Variants in SLC9A3 observed in about 807,000 individuals in gnomAD.
The protein encoded by SLC9A3 is sodium/hydrogen exchanger 3.
SLC9A3 carries 37 observed loss-of-function variants against 86.8 expected under a neutral mutation model. The ratio of observed to expected loss-of-function variants is 0.43; its 90% CI spans 0.33 to 0.56. The LOEUF (loss-of-function observed/expected upper bound fraction) is 0.56. Among genes scored for constraint, SLC9A3 ranks in the 20% least tolerant of loss-of-function variants. SLC9A3 has a pLI of 0.06. For synonymous variants in SLC9A3, 581 were observed against 528.3 expected (o/e 1.10, Z -1.37); for missense variants, 1,011 against 1,171.9 (o/e 0.86, Z 2.00).
rs755205726 is a variant in SLC9A3 at position 472,824 on chromosome 5, C to A, written c.*555G>T. On this transcript the variant is annotated 3_prime_UTR_variant, in exon 17 of 17. Transcript: ENST00000264938. ...GTCGGTCCCCGAGTCAGTCCCCGGG[C>A]GCGGGGCTCGGTTGGGGGGGCCCGG... 1.1e-5 allele frequency: 6 copies of A among 554,298 alleles called. No individual in the cohort carries two copies. Among genetic ancestry groups the A allele is most frequent in the South Asian group, 9.3e-5 (6 of 64,382 alleles). 34.3% of individuals were successfully genotyped at this position (554,298 alleles called of 1,614,324 possible).
At chr5:495,391 C>T (rs1354157601) in intron 1 of SLC9A3, among the ~76,000 whole-genome samples, 1 of 147,810 alleles carries the variant, frequency 6.8e-6, no homozygotes, top group African/African-American at 2.5e-5. Flanking sequence ...CCCGCGCCAT[C>T]GCCGACCCTC....
rs1411506395 is a variant in SLC9A3, at chr5:471,830, C to T, written c.*1549G>A. Reference sequence around the variant, plus strand: ...TTGTGTGGCTGACGCTTCCCTTTTTCACAACAGTAAAAAGCTATCAATGGG... The same window carrying T: ...TTGTGTGGCTGACGCTTCCCTTTTTTACAACAGTAAAAAGCTATCAATGGG... On this transcript the variant is annotated 3_prime_UTR_variant, in exon 17 of 17. Transcript: ENST00000264938. 1.1e-5 allele frequency: 5 copies of T among 456,520 alleles called. No individual in the cohort carries two copies. Among genetic ancestry groups the T allele is most frequent in the Admixed American group, 7.0e-5 (3 of 42,574 alleles). 28.3% of individuals were successfully genotyped at this position (456,520 alleles called of 1,614,324 possible).
At chr5:475,184 G>C in intron 15 of SLC9A3, 52 bp from the exon 16 acceptor site, 1 of 1,517,688 alleles carries the variant, frequency 6.6e-7, no homozygotes, top group Non-Finnish European at 8.8e-7. Context: ...CACGGCGGCA[G>C]GGGAGACCTC....
chr5:492,629 G>C (rs1470117646), intron 1 of SLC9A3, among the ~76,000 whole-genome samples: 1 of 152,012 alleles, frequency 6.6e-6, no homozygotes, highest in Non-Finnish European at 1.5e-5. Context: ...GGTGCTATGG[G>C]GTGGAGGCCC....
rs573706947 is a variant in SLC9A3 at position 519,915 on chromosome 5, G to A, written c.211+4197C>T. On this transcript the variant is annotated intron_variant, in intron 1 of 16. Coordinates refer to ENST00000264938, the MANE Select transcript of SLC9A3 (RefSeq NM_004174.4). ...GTCCTCCTGACCCTCCTACGGCTGC[G>A]CGAGGCACTGCAGACTCCAGATACC... 6.6e-5 allele frequency among the ~76,000 whole-genome samples: 10 copies of A among 152,298 alleles called. No homozygotes were observed. In the East Asian group the frequency reaches 7.7e-4, roughly 12 times the overall value.
At chr5:481,882 GC>G (rs11385632) in intron 8 of SLC9A3, among the ~76,000 whole-genome samples, 185 bp downstream of exon 8, 3 of 6,644 alleles carry the variant, frequency 4.5e-4, no homozygotes, top group African/African-American at 7.8e-4. Context: ...AACACGCAGT[GC>G]CCCCCCCCGC....
At chr5:479,713 T>G in intron 10 of SLC9A3, 123 bp downstream of exon 10, 1 of 977,722 alleles carries the variant, frequency 1.0e-6, no homozygotes, top group Non-Finnish European at 1.6e-6. Flanking sequence ...TCCCGTGAAC[T>G]GCTGGGGTGG....
At chr5:477,288 G>T (rs1738809494) in intron 11 of SLC9A3, 44 bp downstream of exon 11, 2 of 1,392,692 alleles carry the variant, frequency 1.4e-6, no homozygotes, top group Non-Finnish European at 2.0e-6. Context: ...AGCTCCCGAG[G>T]CTGGGCTCTT....
chr5:475,139 G>A lies in SLC9A3; in HGVS notation c.2252-7C>T. ...AACACAGGGTTGTCAATTCCTAGGAGAGAGGGCAGCGGCTAGTCAGCCTTC... is the reference window on the plus strand; with the variant it reads ...AACACAGGGTTGTCAATTCCTAGGAAAGAGGGCAGCGGCTAGTCAGCCTTC... On this transcript the variant is annotated splice_region_variant and splice_polypyrimidine_tract_variant and intron_variant, in intron 15 of 16. Transcript: ENST00000264938. 1 of 1,571,592 alleles carries A rather than the reference G, an allele frequency of 6.4e-7. No homozygotes were observed. Among genetic ancestry groups the A allele is most frequent in the East Asian group, 2.3e-5 (1 of 44,328 alleles).
In SLC9A3 at chr5:496,867, A is replaced by G. The variant is rs1274311416; in HGVS notation, c.212-4796T>C. Among the ~76,000 whole-genome samples the G allele has an allele frequency of 1.3e-5, 2 of 152,036 alleles. No individual in the cohort carries two copies. The highest frequency in any genetic ancestry group is 2.4e-5 in the African/African-American group (1 of 41,390). ...GGAGTTCGAGACCAGCCTGGGCAACATGGCGAAACCCCATCTTTACAAAAA... is the reference window on the plus strand; with the variant it reads ...GGAGTTCGAGACCAGCCTGGGCAACGTGGCGAAACCCCATCTTTACAAAAA... On this transcript the variant is annotated intron_variant, in intron 1 of 16. Coordinates refer to ENST00000264938, the MANE Select transcript of SLC9A3 (RefSeq NM_004174.4). This position sits in a 1 kb window ranked among gnomAD's most constrained non-coding sequence, Gnocchi z 4.7.
chr5:514,935 T>C (rs949280491), intron 1 of SLC9A3, among the ~76,000 whole-genome samples: 1 of 152,100 alleles, frequency 6.6e-6, no homozygotes, highest in African/African-American at 2.4e-5. Context: ...GGACCCTGGC[T>C]CTGTCCCTCC....
At chr5:475,256 C>G in intron 15 of SLC9A3, 124 bp from the exon 16 acceptor site, 2 of 1,026,664 alleles carry the variant, frequency 1.9e-6, no homozygotes, top group Non-Finnish European at 2.8e-6. Context: ...GTTAGGGTCA[C>G]GTGCCTTTCA....
In SLC9A3 at chr5:473,262, G is replaced by C. The variant is rs541825112; in HGVS notation, c.*117C>G. ...TGGCGTGGGCGAGGCGGGGCTCGGG[G>C]CTCGCGGTCGCTGTAGCCGCGCGGG... On this transcript the variant is annotated 3_prime_UTR_variant, in exon 17 of 17. Transcript: ENST00000264938. 2 of 1,125,832 alleles carry C rather than the reference G, an allele frequency of 1.8e-6. No homozygotes were observed. The highest frequency in any genetic ancestry group is 3.3e-4 in the Middle Eastern group (1 of 3,052). 69.7% of individuals were successfully genotyped at this position (1,125,832 alleles called of 1,614,324 possible). A position where few individuals can be genotyped will look rare whatever the true frequency, so the allele number is the denominator to read the frequency against.
At position 524,297 on chromosome 5, in the gene SLC9A3, G is replaced by C; in HGVS notation, c.26C>G (p.Pro9Arg). The change falls in exon 1 of 17, where the codon CCC (proline) becomes CGC (arginine). Residue 9 changes from proline (P) to arginine (R), a missense_variant. Physicochemically the swap from Pro to Arg is moderately radical, Grantham distance 103 (BLOSUM62 -2). Coordinates refer to ENST00000264938, the MANE Select transcript of SLC9A3 (RefSeq NM_004174.4). ...CAGCGCCAGCAGCAGCCCCCGGTCG[G>C]GGCCCCGGGCCCCGAGTCCCCACAT... MWGLGARG[P>R]DRGLLLALAL... 7.8e-7 allele frequency: 1 copy of C among 1,287,874 alleles called. No homozygotes were observed. The highest frequency in any genetic ancestry group is 2.4e-5 in the South Asian group (1 of 41,078). 79.8% of individuals were successfully genotyped at this position (1,287,874 alleles called of 1,614,324 possible). A position where few individuals can be genotyped will look rare whatever the true frequency, so the allele number is the denominator to read the frequency against.
At chr5:477,264 T>C in intron 11 of SLC9A3, 68 bp downstream of exon 11, 1 of 1,135,138 alleles carries the variant, frequency 8.8e-7, no homozygotes. Flanking sequence ...ACCACAGCCC[T>C]GTCTGTGACT....
chr5:506,510 C>G (rs1421236088), intron 1 of SLC9A3, among the ~76,000 whole-genome samples: 1 of 152,204 alleles, frequency 6.6e-6, no homozygotes, highest in Non-Finnish European at 1.5e-5. Flanking sequence ...CCAAGCGGGG[C>G]ACCACTCCAG....
At chr5:517,007 C>T (rs1733749367) in intron 1 of SLC9A3, among the ~76,000 whole-genome samples, 1 of 152,180 alleles carries the variant, frequency 6.6e-6, no homozygotes, top group Non-Finnish European at 1.5e-5. Flanking sequence ...CCTTCACTCT[C>T]CCATGTGTGC....
At chr5:480,048 C>T (rs1739062898) in intron 9 of SLC9A3, 83 bp from the exon 10 acceptor site, 2 of 1,513,574 alleles carry the variant, frequency 1.3e-6, no homozygotes, top group Admixed American at 1.9e-5. Context: ...CCCTTCTCTC[C>T]TGAATTTTGT....
intron 1 of SLC9A3, among the ~76,000 whole-genome samples, chr5:519,625 G>A (rs369375309): frequency 4.5e-4 from 69 of 152,284 alleles, no homozygotes; most frequent in African/African-American, 1.5e-3. Flanking sequence ...GTCAAGTGTC[G>A]GGTGAGGACG....
Sources: allele counts gnomAD v4.1 joint callset (sites outside exome capture counted in the v4.1 genomes callset), GRCh38; gene constraint gnomAD v4.1.1; non-coding constraint Gnocchi (gnomAD v3.1); transcripts MANE v1.5; gene names NCBI Gene and HGNC (gene_info 2026-07-23, HGNC 2026-07-21).